The following GRID2 variants were observed in gnomAD, a reference collection of about 807,000 sequenced individuals.
GRID2 encodes the protein glutamate ionotropic receptor delta type subunit 2.
In GRID2, 33 loss-of-function variants were observed where a neutral mutation model predicts 114.8. The ratio of observed to expected loss-of-function variants is 0.29; its 90% confidence interval spans 0.22 to 0.38. The LOEUF (loss-of-function observed/expected upper bound fraction) is 0.38, where lower values mean the gene tolerates loss of function less well. Ranked by LOEUF, GRID2 falls within the 10% of genes least tolerant of loss-of-function variation. The pLI is 1.00. For synonymous variants in GRID2, 505 were observed against 449.9 expected, an observed-to-expected ratio of 1.12 and a Z score of -1.55; for missense variants, 1,184 against 1,257.7, an observed-to-expected ratio of 0.94 and a Z score of 0.89.
At chr4:93,183,495 C>T (rs1205606922) in intron 4 of GRID2, among the ~76,000 whole-genome samples, 4 of 152,176 alleles carry the variant, frequency 2.6e-5, no homozygotes, top group Non-Finnish European at 5.9e-5. Context: ...CTACTAACAG[C>T]ACTCAATAGA....
intron 2 of GRID2, among the ~76,000 whole-genome samples, chr4:92,761,715 C>T (rs1229138471): frequency 1.3e-5 from 2 of 152,040 alleles, no homozygotes; most frequent in Non-Finnish European, 2.9e-5. Flanking sequence ...AATAGACAAC[C>T]TCCACTCCAT....
chr4:92,370,936 G>A (rs939454289), intron 1 of GRID2, among the ~76,000 whole-genome samples: 2 of 152,120 alleles, frequency 1.3e-5, no homozygotes, highest in Non-Finnish European at 2.9e-5. Context: ...CTTCTTTTAA[G>A]AACACCTGAA....
intron 8 of GRID2, among the ~76,000 whole-genome samples, chr4:93,324,802 A>G (rs1757645969): frequency 6.6e-6 from 1 of 152,092 alleles, no homozygotes; most frequent in South Asian, 2.1e-4. Context: ...TATGTCTTCT[A>G]GATTTTCTAG....
intron 2 of GRID2, among the ~76,000 whole-genome samples, chr4:92,933,519 G>A (rs530113950): frequency 7.3e-5 from 11 of 151,532 alleles, no homozygotes; most frequent in Non-Finnish European, 1.6e-4. Context: ...ATTCAGTCTT[G>A]TGGTCAAGAA....
intron 1 of GRID2, among the ~76,000 whole-genome samples, chr4:92,491,775 A>G (rs759109818): frequency 4.5e-4 from 69 of 152,138 alleles, no homozygotes; most frequent in Non-Finnish European, 7.4e-4. Flanking sequence ...AACATAAATT[A>G]TGATTAATTG....
chr4:93,329,606 T>C (rs1758218360), intron 8 of GRID2, among the ~76,000 whole-genome samples: 1 of 152,156 alleles, frequency 6.6e-6, no homozygotes, highest in African/African-American at 2.4e-5. Flanking sequence ...TATTACTGAA[T>C]ATCAAAGGAT....
At chr4:93,594,306 C>A (rs1219005238) in intron 13 of GRID2, among the ~76,000 whole-genome samples, 1 of 152,036 alleles carries the variant, frequency 6.6e-6, no homozygotes. Flanking sequence ...TGTTGGAGTA[C>A]CCTGCAGTGT....
intron 13 of GRID2, among the ~76,000 whole-genome samples, chr4:93,575,994 T>A (rs1354587485): frequency 6.6e-6 from 1 of 152,194 alleles, no homozygotes; most frequent in East Asian, 1.9e-4. Flanking sequence ...TATTTGGTAA[T>A]CTGAGTTAAA....
chr4:92,931,684 T>TA lies in GRID2; in HGVS notation c.245-153299dup, dbSNP rs551124629. On this transcript the variant is annotated intron_variant, in intron 2 of 15. Coordinates refer to ENST00000282020, the MANE Select transcript of GRID2 (RefSeq NM_001510.4). ...TCTAGAGTAACCAAAATAACCTGGA[T>TA]AAAAAAAAAAAAGTTTGAATACTTA... is the stretch of plus-strand genomic sequence containing the variant. Among the ~76,000 whole-genome samples, 453 of 139,476 alleles carry TA rather than the reference T, an allele frequency of 3.2e-3. 4 individuals are homozygous for TA. Among genetic ancestry groups the TA allele is most frequent in the African/African-American group, 0.01 (391 of 38,482 alleles). The allele number at this position is 139,476 out of a possible 152,430, so 91.5% of individuals were successfully genotyped here.
rs1006468723 is a variant in GRID2, at chr4:93,281,803, C to A, written c.1245+43313C>A. Reference sequence around the variant, plus strand: ...AGAGAAAGCTAGGAATCATGTAAATCTTTTTCCTATAGATAAGATTTATGA... The same window carrying A: ...AGAGAAAGCTAGGAATCATGTAAATATTTTTCCTATAGATAAGATTTATGA... On this transcript the variant is annotated intron_variant, in intron 8 of 15. Coordinates refer to ENST00000282020, the MANE Select transcript of GRID2 (RefSeq NM_001510.4). Among the ~76,000 whole-genome samples the A allele has an allele frequency of 3.3e-5, 5 of 152,038 alleles. No individual in the cohort carries two copies. In the South Asian group the frequency reaches 1.0e-3, roughly 32 times the overall value.
chr4:92,385,548 T>G (rs1393638125), intron 1 of GRID2, among the ~76,000 whole-genome samples: 1 of 151,656 alleles, frequency 6.6e-6, no homozygotes, highest in African/African-American at 2.4e-5. Flanking sequence ...TGTGCTATCT[T>G]TAGAACAGGA....
chr4:93,559,257 G>A (rs112609042), intron 13 of GRID2, among the ~76,000 whole-genome samples: 25 of 152,252 alleles, frequency 1.6e-4, no homozygotes, highest in Admixed American at 1.2e-3. Flanking sequence ...AAACTAAAGA[G>A]CTTCTGTACA....
intron 2 of GRID2, among the ~76,000 whole-genome samples, chr4:92,608,181 C>T (rs1294447408): frequency 6.6e-6 from 1 of 151,890 alleles, no homozygotes; most frequent in African/African-American, 2.4e-5. Context: ...AGTAACTTTT[C>T]TCTCAAGATC....
At chr4:92,560,010 C>T (rs561026276) in intron 1 of GRID2, among the ~76,000 whole-genome samples, 31 of 152,270 alleles carry the variant, frequency 2.0e-4, no homozygotes, top group Admixed American at 5.2e-4. Flanking sequence ...ATTTTCCTAA[C>T]ATCTGTATTA....
chr4:93,260,134 A>C (rs1447747404), intron 8 of GRID2, among the ~76,000 whole-genome samples: 1 of 151,684 alleles, frequency 6.6e-6, no homozygotes, highest in Non-Finnish European at 1.5e-5. Flanking sequence ...TGTTATAAAA[A>C]CCATTGATAC....
chr4:92,583,573 G>C (rs1201664518), intron 1 of GRID2, among the ~76,000 whole-genome samples: 1 of 151,756 alleles, frequency 6.6e-6, no homozygotes, highest in Non-Finnish European at 1.5e-5. Context: ...TGTTAAATAA[G>C]AGGCTGCTGA....
At chr4:92,408,177 C>T (rs1731113715) in intron 1 of GRID2, among the ~76,000 whole-genome samples, 1 of 151,998 alleles carries the variant, frequency 6.6e-6, no homozygotes, top group Admixed American at 6.6e-5. Context: ...GCCATTTATC[C>T]CAGAACCATT....
chr4:92,964,882 T>C (rs1474702425), intron 2 of GRID2, among the ~76,000 whole-genome samples: 2 of 152,066 alleles, frequency 1.3e-5, no homozygotes, highest in Non-Finnish European at 2.9e-5. Flanking sequence ...AAAGACTTCT[T>C]TGTTTTCTCA....
At chr4:93,508,504 ATTTT>A (rs1728867010) in intron 12 of GRID2, among the ~76,000 whole-genome samples, 2 of 151,904 alleles carry the variant, frequency 1.3e-5, no homozygotes, top group Non-Finnish European at 2.9e-5. Flanking sequence ...CTTGTTTTTG[ATTTT>A]TTAACTACAA....
Sources: allele counts gnomAD v4.1 joint callset (sites outside exome capture counted in the v4.1 genomes callset), GRCh38; gene constraint gnomAD v4.1.1; transcripts MANE v1.5; gene names NCBI Gene and HGNC (gene_info 2026-07-23, HGNC 2026-07-21).